The following LUZP2 variants were observed in gnomAD, a reference collection of about 807,000 sequenced individuals.
The protein encoded by LUZP2 is leucine zipper protein 2.
LUZP2 carries 52 observed loss-of-function variants against 51.6 expected under a neutral mutation model. The ratio of observed to expected loss-of-function variants is 1.01; its 90% confidence interval spans 0.81 to 1.27. LUZP2 has a LOEUF of 1.27. Among genes scored for constraint, LUZP2 ranks in the 50% most tolerant of loss-of-function variants. The pLI is 0.00. For synonymous variants in LUZP2, 154 were observed against 137.3 expected (o/e 1.12, Z -0.85); for missense variants, 436 against 395.4 (o/e 1.10, Z -0.87).
intron 5 of LUZP2, among the ~76,000 whole-genome samples, chr11:24,823,340 G>T (rs1590594725): frequency 1.3e-5 from 2 of 149,316 alleles, no homozygotes; most frequent in East Asian, 4.0e-4. Flanking sequence ...GAATGTCTTT[G>T]TGACTGAAGA....
intron 5 of LUZP2, among the ~76,000 whole-genome samples, chr11:24,803,448 C>T (rs143911267): frequency 4.6e-5 from 7 of 152,200 alleles, no homozygotes; most frequent in African/African-American, 1.7e-4. Flanking sequence ...GGTACAGCTG[C>T]TGTGGAAAAT....
chr11:24,887,454 G>A (rs1033671794), intron 5 of LUZP2, among the ~76,000 whole-genome samples: 1 of 152,116 alleles, frequency 6.6e-6, no homozygotes, highest in African/African-American at 2.4e-5. Context: ...CGAATAAGGT[G>A]TGGGTTATTT....
At chr11:24,928,247 C>T (rs1247691225) in intron 7 of LUZP2, among the ~76,000 whole-genome samples, 2 of 151,994 alleles carry the variant, frequency 1.3e-5, no homozygotes, top group African/African-American at 4.8e-5. Flanking sequence ...TGTCTGATTG[C>T]CCTGGCTAGA....
intron 7 of LUZP2, among the ~76,000 whole-genome samples, chr11:24,918,506 C>T (rs1853876419): frequency 6.6e-6 from 1 of 151,856 alleles, no homozygotes; most frequent in Non-Finnish European, 1.5e-5. Context: ...TGACAAAATT[C>T]AACAGTGCTT....
At position 24,672,271 on chromosome 11, in the gene LUZP2, A is replaced by T. The variant is rs537787774; in HGVS notation, c.63-56898A>T. 1.3e-4 allele frequency among the ~76,000 whole-genome samples: 20 copies of T among 152,256 alleles called. No individual in the cohort carries two copies. The South Asian group carries it at 4.1e-3, about 32-fold the overall frequency. ...AGTTACAAATTGACCAGTATTGTAA[A>T]ATTAGTCTCCCTGAGTACAATATGG... On this transcript the variant is annotated intron_variant, in intron 1 of 11. Transcript: ENST00000336930.
chr11:25,044,060 G>T (rs10767303), intron 9 of LUZP2, among the ~76,000 whole-genome samples: 95,282 of 102,192 alleles, frequency 0.93, 45,350 homozygotes, highest in Non-Finnish European at 0.99. Flanking sequence ...GATATATATA[G>T]AGTCTATATA....
chr11:25,033,978 A>G (rs1294713671), intron 9 of LUZP2, among the ~76,000 whole-genome samples: 2 of 152,072 alleles, frequency 1.3e-5, no homozygotes, highest in Non-Finnish European at 2.9e-5. Context: ...TGGTGGCTAT[A>G]TTGTAAGTTA....
intron 1 of LUZP2, among the ~76,000 whole-genome samples, chr11:24,661,533 C>A (rs1264492904): frequency 6.6e-6 from 1 of 152,150 alleles, no homozygotes; most frequent in Non-Finnish European, 1.5e-5. Flanking sequence ...CAGCATGAAC[C>A]TTTCTGCTCC....
At chr11:24,692,345 G>T (rs1397183615) in intron 1 of LUZP2, among the ~76,000 whole-genome samples, 1 of 151,966 alleles carries the variant, frequency 6.6e-6, no homozygotes, top group Non-Finnish European at 1.5e-5. Flanking sequence ...ATAAGTGCTG[G>T]CAAAACAAAT....
chr11:24,769,460 A>G (rs1195592280), intron 5 of LUZP2, among the ~76,000 whole-genome samples: 3 of 152,206 alleles, frequency 2.0e-5, no homozygotes, highest in Non-Finnish European at 4.4e-5. Context: ...CTTGATAATT[A>G]CACAATCTAT....
intron 1 of LUZP2, among the ~76,000 whole-genome samples, chr11:24,649,028 C>A (rs1249170017): frequency 6.6e-6 from 1 of 151,996 alleles, no homozygotes; most frequent in Non-Finnish European, 1.5e-5. Context: ...TGTAACTAAT[C>A]TTCCCTATGA....
intron 5 of LUZP2, among the ~76,000 whole-genome samples, chr11:24,901,133 C>T (rs565091076): frequency 7.2e-5 from 11 of 152,092 alleles, no homozygotes; most frequent in African/African-American, 2.4e-4. Flanking sequence ...CTCTTTAGTA[C>T]GACAGTCTGG....
intron 5 of LUZP2, chr11:24,893,265 CTGGACACA>C (rs1852914008): frequency 6.6e-6 from 1 of 151,912 alleles, no homozygotes. Flanking sequence ...GTTTTCAGCA[CTGGACACA>C]CAGAAAAATC....
At chr11:24,731,477 T>C (rs1858711504) in intron 2 of LUZP2, among the ~76,000 whole-genome samples, 1 of 151,742 alleles carries the variant, frequency 6.6e-6, no homozygotes, top group Non-Finnish European at 1.5e-5. Context: ...AAGAAAAAGC[T>C]CAGGAGACTT....
intron 1 of LUZP2, among the ~76,000 whole-genome samples, chr11:24,718,870 G>C (rs1377003555): frequency 3.9e-5 from 6 of 152,128 alleles, no homozygotes; most frequent in Non-Finnish European, 5.9e-5. Context: ...ATACTAGGAA[G>C]AATTTAAACA....
chr11:24,660,880 T>C (rs1442738509), intron 1 of LUZP2, among the ~76,000 whole-genome samples: 1 of 152,186 alleles, frequency 6.6e-6, no homozygotes, highest in Non-Finnish European at 1.5e-5. Flanking sequence ...GCTTATATAA[T>C]GACTTAAATT....
intron 1 of LUZP2, among the ~76,000 whole-genome samples, chr11:24,667,397 G>A (rs989681604): frequency 2.6e-5 from 4 of 152,004 alleles, no homozygotes; most frequent in Non-Finnish European, 5.9e-5. Context: ...ATGTTGGTCA[G>A]GCTGGTCTCG....
At chr11:24,626,933 T>G (rs1854704765) in intron 1 of LUZP2, among the ~76,000 whole-genome samples, 1 of 152,204 alleles carries the variant, frequency 6.6e-6, no homozygotes, top group Non-Finnish European at 1.5e-5. Context: ...ACATTTGAAG[T>G]GACATGTTCT....
At chr11:24,707,307 CGTGTGT>C (rs58713202) in intron 1 of LUZP2, among the ~76,000 whole-genome samples, 2 of 147,536 alleles carry the variant, frequency 1.4e-5, no homozygotes, top group African/African-American at 2.5e-5. Flanking sequence ...TCTGTGTGTG[CGTGTGT>C]GTGTGTGTGT....
Sources: allele counts gnomAD v4.1 joint callset (sites outside exome capture counted in the v4.1 genomes callset), GRCh38; gene constraint gnomAD v4.1.1; transcripts MANE v1.5; gene names NCBI Gene and HGNC (gene_info 2026-07-23, HGNC 2026-07-21).